The following KIF26B variants were observed in gnomAD, a reference collection of about 807,000 sequenced individuals.
KIF26B encodes kinesin-like protein KIF26B.
In KIF26B, 63 loss-of-function variants were observed where a neutral mutation model predicts 151.2. That is an observed-to-expected ratio of 0.42 (90% CI 0.34 to 0.51). The LOEUF (loss-of-function observed/expected upper bound fraction) is 0.51. KIF26B is among the 20% of genes least tolerant of loss of function. KIF26B has a pLI of 0.07. For synonymous variants in KIF26B, 1,357 were observed against 1,262.1 expected (o/e 1.08, Z -1.59); for missense variants, 2,813 against 2,913.6 (o/e 0.97, Z 0.79).
intron 12 of KIF26B, among the ~76,000 whole-genome samples, chr1:245,697,548 T>G (rs2044710862): frequency 6.6e-6 from 1 of 152,140 alleles, no homozygotes; most frequent in Non-Finnish European, 1.5e-5. Flanking sequence ...CTGCGTGTTT[T>G]ACAGGTGGAA....
chr1:245,232,099 C>T (rs983150152), intron 2 of KIF26B, among the ~76,000 whole-genome samples: 1 of 152,170 alleles, frequency 6.6e-6, no homozygotes, highest in South Asian at 2.1e-4. Context: ...ATTAATCGGA[C>T]GTATCCATCC....
rs183960678 is a variant in KIF26B, at chr1:245,601,930, C to A, written c.1351-647C>A. On this transcript the variant is annotated intron_variant, in intron 5 of 14. Coordinates refer to ENST00000407071, the MANE Select transcript of KIF26B (RefSeq NM_018012.4). The surrounding 1 kb of genome is among the most constrained non-coding windows in gnomAD (Gnocchi z 4.4). ...ACGCAGAAAGTGGGCTAAAGGGCAG[C>A]GCCTCCTGCTCCCTCCAGAGATGCA... 8.5e-5 allele frequency among the ~76,000 whole-genome samples: 13 copies of A among 152,310 alleles called. No homozygotes were observed. The highest frequency in any genetic ancestry group is 1.9e-4 in the East Asian group (1 of 5,188).
chr1:245,685,684 G>A lies in KIF26B; in HGVS notation c.2701G>A (p.Gly901Ser). The change falls in exon 12 of 15, where the codon GGC becomes AGC. Residue 901 changes from glycine to serine, a missense_variant. Physicochemically the swap from Gly to Ser is moderately conservative, Grantham distance 56 (BLOSUM62 0). Around this residue, in one of 3 missense-constraint regions of KIF26B, gnomAD observed 2,060 missense variants for 2,088.6 expected, o/e 0.99. Coordinates refer to ENST00000407071, the MANE Select transcript of KIF26B (RefSeq NM_018012.4). ...CGTGCCAGCCCTGCAGAAGACCCGG[G>A]GCGACAGCCGGCCCGCAGAGGCAGG... Reference protein sequence around the residue: ...PIVPALQKTRGDSRPAEAGEA... With the variant: ...PIVPALQKTRSDSRPAEAGEA... 6 of 1,612,964 alleles carry A rather than the reference G, an allele frequency of 3.7e-6. No individual in the cohort carries two copies. Among genetic ancestry groups the A allele is most frequent in the Non-Finnish European group, 5.1e-6 (6 of 1,179,792 alleles).
intron 5 of KIF26B, among the ~76,000 whole-genome samples, chr1:245,556,947 G>T (rs1488536266): frequency 6.6e-6 from 1 of 152,166 alleles, no homozygotes; most frequent in Non-Finnish European, 1.5e-5. Flanking sequence ...ACAGTCAGAA[G>T]GGCCCATTCT....
intron 4 of KIF26B, among the ~76,000 whole-genome samples, chr1:245,421,387 A>C (rs1162970565): frequency 6.6e-6 from 1 of 152,168 alleles, no homozygotes. Context: ...CGTTCTGTAG[A>C]GCAACCAGTT....
At chr1:245,165,082 TAA>T (rs1668593658) in intron 2 of KIF26B, among the ~76,000 whole-genome samples, 1 of 142,718 alleles carries the variant, frequency 7.0e-6, no homozygotes, top group South Asian at 2.3e-4. Context: ...AAAAAAAAAA[TAA>T]AGATTGCTGT....
chr1:245,237,067 G>A (rs1460811834), intron 2 of KIF26B, among the ~76,000 whole-genome samples: 6 of 152,306 alleles, frequency 3.9e-5, no homozygotes, highest in Non-Finnish European at 5.9e-5. Flanking sequence ...AATGAAGATC[G>A]TGGTGTCTTC....
At chr1:245,533,137 C>T (rs1160270865) in intron 4 of KIF26B, among the ~76,000 whole-genome samples, 2 of 152,112 alleles carry the variant, frequency 1.3e-5, no homozygotes, top group African/African-American at 2.4e-5. Flanking sequence ...CTTGTCATTG[C>T]TTATTATCAG....
At chr1:245,387,190 G>A (rs886115139) in intron 3 of KIF26B, among the ~76,000 whole-genome samples, 3 of 145,662 alleles carry the variant, frequency 2.1e-5, no homozygotes, top group African/African-American at 5.1e-5. Flanking sequence ...TTGAGATGGA[G>A]TTTCACTCTT....
At chr1:245,607,792 A>G (rs376276158) in intron 7 of KIF26B, 48 bp downstream of exon 7, 26 of 1,417,840 alleles carry the variant, frequency 1.8e-5, no homozygotes, top group African/African-American at 2.8e-5. Flanking sequence ...GCTCCCTGTC[A>G]TCCCATGCAT....
chr1:245,305,333 G>T (rs1291081160), intron 2 of KIF26B, among the ~76,000 whole-genome samples: 2 of 152,112 alleles, frequency 1.3e-5, no homozygotes, highest in Non-Finnish European at 2.9e-5. Flanking sequence ...GAAAATTTTT[G>T]CAAATCACAT....
intron 4 of KIF26B, among the ~76,000 whole-genome samples, chr1:245,434,200 C>T (rs1216220038): frequency 6.6e-6 from 1 of 152,086 alleles, no homozygotes; most frequent in African/African-American, 2.4e-5. Context: ...TTTAGAGGCA[C>T]TTACTAGGGA....
intron 2 of KIF26B, among the ~76,000 whole-genome samples, chr1:245,240,006 T>C (rs1470685293): frequency 6.6e-6 from 1 of 152,046 alleles, no homozygotes; most frequent in Admixed American, 6.6e-5. Flanking sequence ...AGAAACTCTA[T>C]TAAAAATACA....
In KIF26B at chr1:245,164,578, A is replaced by T. The variant is rs561768137; in HGVS notation, c.465+7895A>T. Among the ~76,000 whole-genome samples the T allele has an allele frequency of 1.2e-3, 187 of 152,322 alleles. 1 individual carries two copies. The highest frequency in any genetic ancestry group is 1.5e-3 in the South Asian group (7 of 4,822). On this transcript the variant is annotated intron_variant, in intron 2 of 14. Coordinates refer to ENST00000407071, the MANE Select transcript of KIF26B (RefSeq NM_018012.4). ...GGCAGGCATAGGCCAGGAAGGGGTG[A>T]TGCGTGCCCCCTACATATGGGGAAC...
At chr1:245,328,104 C>T (rs4658753) in intron 2 of KIF26B, among the ~76,000 whole-genome samples, 32,856 of 151,550 alleles carry the variant, frequency 0.22, 7,813 homozygotes, top group African/African-American at 0.6. Context: ...AGGAGGTCTC[C>T]GAATGAACTG....
At chr1:245,521,962 C>T (rs970311554) in intron 4 of KIF26B, among the ~76,000 whole-genome samples, 6 of 151,342 alleles carry the variant, frequency 4.0e-5, no homozygotes, top group Admixed American at 2.0e-4. Context: ...CTCTGCCTCC[C>T]GTGTTCACGC....
At position 245,708,562 on chromosome 1, in the gene KIF26B, G is replaced by A. The variant is rs2044869561; in HGVS notation, c.*5956G>A. The A allele has an allele frequency of 6.6e-6, 1 of 152,190 alleles. No homozygotes were observed. Among genetic ancestry groups the A allele is most frequent in the Non-Finnish European group, 1.5e-5 (1 of 68,054 alleles). The allele number at this position is 152,190 out of a possible 1,614,324, so 9.4% of individuals were successfully genotyped here. ...CTGAGTTCTAATTCCAGCTTTGCCA[G>A]TCGTCCCGTCCGTGATATATTCCAT... is the stretch of plus-strand genomic sequence containing the variant. On this transcript the variant is annotated 3_prime_UTR_variant, in exon 15 of 15. Coordinates refer to ENST00000407071, the MANE Select transcript of KIF26B (RefSeq NM_018012.4).
chr1:245,336,736 C>T (rs1672242066), intron 2 of KIF26B, among the ~76,000 whole-genome samples: 1 of 152,190 alleles, frequency 6.6e-6, no homozygotes, highest in African/African-American at 2.4e-5. Context: ...ACATCTGATA[C>T]CCTATGAATT....
intron 2 of KIF26B, among the ~76,000 whole-genome samples, chr1:245,179,679 A>G (rs1215351648): frequency 6.6e-6 from 1 of 152,154 alleles, no homozygotes; most frequent in African/African-American, 2.4e-5. Context: ...AAGTTTACCA[A>G]CCAGGAGGGG....
Sources: allele counts gnomAD v4.1 joint callset (sites outside exome capture counted in the v4.1 genomes callset), GRCh38; gene constraint gnomAD v4.1.1; regional missense constraint gnomAD v4.1.1; non-coding constraint Gnocchi (gnomAD v3.1); transcripts MANE v1.5; gene names NCBI Gene and HGNC (gene_info 2026-07-23, HGNC 2026-07-21).